STARD13: variants seen among roughly 807,000 people sequenced by gnomAD.
STARD13 encodes the protein StAR related lipid transfer domain containing 13, also known as stAR-related lipid transfer protein 13.
STARD13 carries 62 observed loss-of-function variants against 106.4 expected under a neutral mutation model. The observed-to-expected ratio is 0.58, with a 90% CI of 0.48 to 0.72. The LOEUF (loss-of-function observed/expected upper bound fraction) is 0.72, where lower values mean the gene tolerates loss of function less well. Ranked by LOEUF, STARD13 falls within the 30% of genes least tolerant of loss-of-function variation. STARD13 has a pLI of 0.00. For synonymous variants in STARD13, 565 were observed against 553.0 expected, an observed-to-expected ratio of 1.02 and a Z score of -0.31; for missense variants, 1,387 against 1,424.0, an observed-to-expected ratio of 0.97 and a Z score of 0.42.
intron 10 of STARD13, 117 bp from the exon 11 acceptor site, chr13:33,111,024 C>G: frequency 1.2e-6 from 1 of 816,340 alleles, no homozygotes; most frequent in Non-Finnish European, 2.0e-6. Context: ...GAGGGCCACA[C>G]GGCCAGAGAT....
chr13:33,270,850 G>C (rs1457555499), intron 1 of STARD13, among the ~76,000 whole-genome samples: 1 of 152,170 alleles, frequency 6.6e-6, no homozygotes, highest in Admixed American at 6.5e-5. Context: ...ACCATCTATA[G>C]TAAAGGTTGT....
At chr13:33,408,211 A>G in the STARD13 span, among the ~76,000 whole-genome samples, 6 of 152,174 alleles carry the variant, frequency 3.9e-5, no homozygotes, top group Admixed American at 2.6e-4. Flanking sequence ...GGTACTGTTC[A>G]GTGGTGTTAA....
the STARD13 span, among the ~76,000 whole-genome samples, chr13:33,463,933 C>A: frequency 7.8e-4 from 118 of 151,630 alleles, no homozygotes; most frequent in African/African-American, 2.7e-3. Context: ...ATTGCTTGAA[C>A]CCAGGAGGCA....
intron 7 of STARD13, among the ~76,000 whole-genome samples, chr13:33,124,343 G>A (rs567855339): frequency 2.0e-5 from 3 of 152,310 alleles, no homozygotes; most frequent in East Asian, 1.9e-4. Flanking sequence ...AAGTCCCTTC[G>A]ATGTCCTACG....
Position 33,129,926 on chromosome 13 carries a change from G to A in STARD13, c.751C>T (p.Pro251Ser). 1 of 1,613,518 alleles carries A rather than the reference G, an allele frequency of 6.2e-7. No homozygotes were observed. The stretch of plus-strand genomic sequence containing the variant: ...AATGATTTGGCCCTAGCCCTCGTGG[G>A]CTTCTCATTCTTGGGGTGGAAGGGG... ...NHPFHPKNEK[P>S]TRARAKSFLK... Residue 251 changes from proline (P) to serine (S), a missense_variant, in exon 5 of 14, where the codon CCC (proline) becomes TCC (serine). Physicochemically the swap from Pro to Ser is moderately conservative, Grantham distance 74 (BLOSUM62 -1). Coordinates refer to ENST00000336934, the MANE Select transcript of STARD13 (RefSeq NM_178006.4).
intron 1 of STARD13, among the ~76,000 whole-genome samples, chr13:33,217,409 C>T (rs1888106271): frequency 6.6e-6 from 1 of 152,206 alleles, no homozygotes; most frequent in African/African-American, 2.4e-5. Flanking sequence ...CCCTCTCCAT[C>T]CAACCTGCTC....
the STARD13 span, among the ~76,000 whole-genome samples, chr13:33,356,405 T>C: frequency 6.6e-6 from 1 of 152,200 alleles, no homozygotes; most frequent in Non-Finnish European, 1.5e-5. Context: ...TTAAGGTCAA[T>C]GAACACATCA....
the STARD13 span, among the ~76,000 whole-genome samples, chr13:33,569,462 T>A: frequency 6.8e-6 from 1 of 147,492 alleles, no homozygotes; most frequent in Non-Finnish European, 1.5e-5. Context: ...TAGTTTGTAA[T>A]TAGAGGAGGG....
chr13:33,215,761 A>T (rs1888004166), intron 1 of STARD13, among the ~76,000 whole-genome samples: 1 of 152,184 alleles, frequency 6.6e-6, no homozygotes, highest in Non-Finnish European at 1.5e-5. Context: ...ACTTTTTGTG[A>T]TCAAAAATAT....
chr13:33,190,853 G>C (rs1335751019), intron 1 of STARD13, among the ~76,000 whole-genome samples: 1 of 151,812 alleles, frequency 6.6e-6, no homozygotes, highest in African/African-American at 2.4e-5. Flanking sequence ...CAAAGTGCTG[G>C]GATTACAGGC....
At position 33,110,088 on chromosome 13, in the gene STARD13, C is replaced by T; in HGVS notation, c.2832G>A (p.Val944=). ...TDNTDLAFKK[V]GDGNPLKLWK... ...ACAGCTTCAGCGGGTTCCCGTCGCC[C>T]ACCTTGGGAAAGACAACGTCAGAAG... The change falls in exon 12 of 14, where the codon GTG becomes GTA. Residue 944 remains valine, a splice_region_variant and synonymous_variant. Transcript: ENST00000336934. 1.2e-6 allele frequency: 2 copies of T among 1,614,010 alleles called. No individual in the cohort carries two copies. Among genetic ancestry groups the T allele is most frequent in the East Asian group, 2.2e-5 (1 of 44,874 alleles).
At chr13:33,500,902 C>T in the STARD13 span, among the ~76,000 whole-genome samples, 1 of 151,584 alleles carries the variant, frequency 6.6e-6, no homozygotes, top group Non-Finnish European at 1.5e-5. Context: ...AGATAACCAA[C>T]TTGTATTAAG....
chr13:33,153,422 T>A (rs1881549304), intron 3 of STARD13, among the ~76,000 whole-genome samples: 1 of 151,488 alleles, frequency 6.6e-6, no homozygotes, highest in South Asian at 2.1e-4. Context: ...TGGCCAGGAG[T>A]GCAGGAACGG....
At chr13:33,480,836 C>T in the STARD13 span, among the ~76,000 whole-genome samples, 1 of 151,984 alleles carries the variant, frequency 6.6e-6, no homozygotes, top group Non-Finnish European at 1.5e-5. Context: ...TGACTAATTT[C>T]AGGAATAGAA....
the STARD13 span, among the ~76,000 whole-genome samples, chr13:33,488,328 G>A: frequency 2.6e-5 from 4 of 152,172 alleles, no homozygotes; most frequent in East Asian, 3.9e-4. Flanking sequence ...GCTTCTCCTC[G>A]GTGCTTTATT....
the STARD13 span, among the ~76,000 whole-genome samples, chr13:33,566,943 T>C: frequency 6.7e-6 from 1 of 148,202 alleles, no homozygotes; most frequent in Admixed American, 7.0e-5. Context: ...TTCACTTCTT[T>C]CCAGTTGTCT....
At chr13:33,117,527 C>G in intron 8 of STARD13, 1 of 727,404 alleles carries the variant, frequency 1.4e-6, no homozygotes, top group Non-Finnish European at 1.7e-6. Flanking sequence ...GAGAACTTAA[C>G]ATTATTAAAA....
intron 3 of STARD13, among the ~76,000 whole-genome samples, chr13:33,146,668 C>G (rs1880586967): frequency 6.6e-6 from 1 of 151,892 alleles, no homozygotes; most frequent in African/African-American, 2.4e-5. Context: ...CCTCCAAAAC[C>G]CCACTTCTTC....
chr13:33,409,991 T>C, the STARD13 span, among the ~76,000 whole-genome samples: 1 of 152,256 alleles, frequency 6.6e-6, no homozygotes, highest in Non-Finnish European at 1.5e-5. Context: ...GCAATCTCTT[T>C]ATCCTCCCTT....
Sources: allele counts gnomAD v4.1 joint callset (sites outside exome capture counted in the v4.1 genomes callset), GRCh38; gene constraint gnomAD v4.1.1; transcripts MANE v1.5; gene names NCBI Gene and HGNC (gene_info 2026-07-23, HGNC 2026-07-21).